Variants in NR3C2 observed in about 807,000 individuals in gnomAD.
NR3C2 encodes the protein mineralocorticoid receptor.
A neutral mutation model predicts 86.4 loss-of-function variants in NR3C2; 15 were observed. The ratio of observed to expected loss-of-function variants is 0.17; its 90% confidence interval spans 0.12 to 0.27. The LOEUF (loss-of-function observed/expected upper bound fraction) is 0.27, where lower values mean the gene tolerates loss of function less well. NR3C2 is among the 10% of genes least tolerant of loss of function. The pLI, the probability that NR3C2 is intolerant of heterozygous loss-of-function variation, is 1.00. For synonymous variants in NR3C2, 458 were observed against 450.5 expected, an observed-to-expected ratio of 1.02 and a Z score of -0.21; for missense variants, 960 against 1,195.6, an observed-to-expected ratio of 0.80 and a Z score of 2.91.
chr4:148,381,734 A>T (rs1415779189), intron 2 of NR3C2, among the ~76,000 whole-genome samples: 1 of 152,174 alleles, frequency 6.6e-6, no homozygotes, highest in Non-Finnish European at 1.5e-5. Context: ...TCACTAACTC[A>T]CTCAGGGTAT....
At chr4:148,236,801 C>T (rs947280224) in intron 3 of NR3C2, among the ~76,000 whole-genome samples, 24 of 152,176 alleles carry the variant, frequency 1.6e-4, no homozygotes, top group Admixed American at 6.5e-5. Context: ...CACAGGTGTA[C>T]ACCAAAACTT....
intron 3 of NR3C2, among the ~76,000 whole-genome samples, chr4:148,233,451 C>G (rs1033879032): frequency 6.6e-6 from 1 of 151,086 alleles, no homozygotes; most frequent in Non-Finnish European, 1.5e-5. Flanking sequence ...CCTCAACTTC[C>G]CTTGGTTTAA....
intron 8 of NR3C2, among the ~76,000 whole-genome samples, chr4:148,094,744 C>CAA (rs58228508): frequency 2.1e-5 from 3 of 144,808 alleles, no homozygotes; most frequent in African/African-American, 7.5e-5. Context: ...AACAAAAAAA[C>CAA]AAAAAAAAAA....
In NR3C2 at chr4:148,442,202, G is replaced by A. The variant is rs1750379327; in HGVS notation, c.-45C>T. The A allele has an allele frequency of 6.5e-6, 1 of 152,808 alleles. No individual in the cohort carries two copies. Among genetic ancestry groups the A allele is most frequent in the African/African-American group, 2.4e-5 (1 of 41,476 alleles). 9.5% of individuals were successfully genotyped at this position (152,808 alleles called of 1,614,324 possible). On this transcript the variant is annotated 5_prime_UTR_variant, in exon 1 of 9. Transcript: ENST00000358102. ...CGTCTCTCGCCGTCTACCTGTTGCA[G>A]CGCTTGCCACCGCCACGAAACCCCT...
At chr4:148,428,110 G>C (rs747779070) in intron 2 of NR3C2, among the ~76,000 whole-genome samples, 1 of 152,182 alleles carries the variant, frequency 6.6e-6, no homozygotes, top group Non-Finnish European at 1.5e-5. Context: ...TCTAAGTATA[G>C]TAATAACCCA....
At chr4:148,105,266 C>G (rs1731742859) in intron 8 of NR3C2, among the ~76,000 whole-genome samples, 1 of 152,194 alleles carries the variant, frequency 6.6e-6, no homozygotes, top group Non-Finnish European at 1.5e-5. Context: ...CACCTCTATA[C>G]AAATAAACTA....
At chr4:148,278,348 C>G (rs756664871) in intron 2 of NR3C2, among the ~76,000 whole-genome samples, 9 of 152,154 alleles carry the variant, frequency 5.9e-5, no homozygotes, top group Non-Finnish European at 1.3e-4. Context: ...GATCTGCCAG[C>G]CTTGGACTCC....
chr4:148,440,836 C>G (rs1173997896), intron 1 of NR3C2, among the ~76,000 whole-genome samples: 3 of 152,176 alleles, frequency 2.0e-5, no homozygotes, highest in Non-Finnish European at 4.4e-5. Flanking sequence ...TGTATTTTAT[C>G]TGGAAACACT....
chr4:148,338,962 G>GA (rs907619802), intron 2 of NR3C2, among the ~76,000 whole-genome samples: 15 of 151,048 alleles, frequency 9.9e-5, no homozygotes, highest in South Asian at 2.1e-4. Context: ...AGTATTTGAA[G>GA]AAAAAAAAAT....
intron 2 of NR3C2, among the ~76,000 whole-genome samples, chr4:148,363,663 C>T (rs1745966232): frequency 6.6e-6 from 1 of 152,022 alleles, no homozygotes; most frequent in African/African-American, 2.4e-5. Flanking sequence ...ACCACCACGC[C>T]CGGCTAATGT....
At chr4:148,247,029 A>G (rs561894854) in intron 3 of NR3C2, among the ~76,000 whole-genome samples, 2 of 152,336 alleles carry the variant, frequency 1.3e-5, no homozygotes, top group Admixed American at 6.5e-5. Flanking sequence ...ATGTCAGGTC[A>G]TCTTTGATAG....
intron 2 of NR3C2, among the ~76,000 whole-genome samples, chr4:148,386,108 T>G (rs1054038292): frequency 8.5e-5 from 13 of 152,126 alleles, no homozygotes; most frequent in African/African-American, 2.9e-4. Context: ...TGGAAACCAC[T>G]CTAAATCCCT....
At chr4:148,137,270 C>T (rs149638492) in intron 6 of NR3C2, among the ~76,000 whole-genome samples, 3 of 152,094 alleles carry the variant, frequency 2.0e-5, no homozygotes, top group Non-Finnish European at 2.9e-5. Context: ...GAAAACAGCA[C>T]GCACTGTGAG....
At chr4:148,335,491 T>A (rs1453663031) in intron 2 of NR3C2, among the ~76,000 whole-genome samples, 1 of 152,166 alleles carries the variant, frequency 6.6e-6, no homozygotes, top group Non-Finnish European at 1.5e-5. Flanking sequence ...AGAACTACTG[T>A]TCAGTCTGGA....
chr4:148,152,792 C>T (rs1734163802), intron 5 of NR3C2, among the ~76,000 whole-genome samples, 179 bp from the exon 6 acceptor site: 1 of 152,190 alleles, frequency 6.6e-6, no homozygotes, highest in Admixed American at 6.5e-5. Context: ...TCCTGTTCCA[C>T]ATTTCACTTT....
intron 2 of NR3C2, among the ~76,000 whole-genome samples, chr4:148,312,193 G>A (rs76529918): frequency 6.6e-6 from 1 of 152,246 alleles, no homozygotes; most frequent in South Asian, 2.1e-4. Context: ...GCTATTATTA[G>A]CAAGTGTAGT....
chr4:148,215,218 C>A (rs1002495788), intron 3 of NR3C2, among the ~76,000 whole-genome samples: 3 of 152,210 alleles, frequency 2.0e-5, no homozygotes, highest in African/African-American at 7.2e-5. Flanking sequence ...TGGTGTTACC[C>A]TTATGTCCTT....
chr4:148,272,187 A>G (rs1740717903), intron 2 of NR3C2, among the ~76,000 whole-genome samples: 1 of 152,188 alleles, frequency 6.6e-6, no homozygotes, highest in Non-Finnish European at 1.5e-5. Flanking sequence ...CGGTTTGCAG[A>G]CAAATCCCTC....
intron 4 of NR3C2, among the ~76,000 whole-genome samples, chr4:148,178,957 A>C (rs926621206): frequency 3.3e-5 from 5 of 151,120 alleles, no homozygotes; most frequent in Non-Finnish European, 7.4e-5. Context: ...ACAAAAAAAA[A>C]CAACAAAACA....
Sources: gnomAD v4.1 joint callset for allele counts (sites outside exome capture counted in the v4.1 genomes callset) on GRCh38, gnomAD v4.1.1 for gene constraint, MANE v1.5 for transcripts, NCBI Gene and HGNC (gene_info 2026-07-23, HGNC 2026-07-21) for gene names.